SLC5A3: variants seen among roughly 807,000 people sequenced by gnomAD.
SLC5A3 encodes sodium/myo-inositol cotransporter.
A neutral mutation model predicts 43.2 loss-of-function variants in SLC5A3; 10 were observed. That is an observed-to-expected ratio of 0.23 (90% CI 0.14 to 0.39). SLC5A3 has a LOEUF of 0.39. Ranked by LOEUF, SLC5A3 falls within the 10% of genes least tolerant of loss-of-function variation. The probability of loss-of-function intolerance (pLI) is 1.00; values close to 1 mark genes in which losing one functional copy is unlikely to be tolerated. For synonymous variants in SLC5A3, 349 were observed against 322.0 expected (o/e 1.08, Z -0.90); for missense variants, 608 against 893.4 (o/e 0.68, Z 4.07).
chr21:34,101,744 T>C lies in SLC5A3; in HGVS notation c.*4389T>C. 2.0e-6 allele frequency: 2 copies of C among 992,330 alleles called. No individual in the cohort carries two copies. Among genetic ancestry groups the C allele is most frequent in the Non-Finnish European group, 2.4e-6 (2 of 822,948 alleles). 61.5% of individuals were successfully genotyped at this position (992,330 alleles called of 1,614,324 possible). On this transcript the variant is annotated 3_prime_UTR_variant, in exon 2 of 2. Transcript: ENST00000381151. ...GATCCAAATAATGACTCATTAAATA[T>C]AATTATGTTTTAAGTATACTGAATT... is the stretch of plus-strand genomic sequence containing the variant.
rs566738766 is a variant in SLC5A3, at chr21:34,083,118, C to T, written c.-337+9373C>T. On this transcript the variant is annotated intron_variant, in intron 1 of 1. Coordinates refer to ENST00000381151, the MANE Select transcript of SLC5A3 (RefSeq NM_006933.7). ...TAAAAGTTTCTCTGTAACACCTACC[C>T]TGGAGTGGTTAAGTGCTTTAATTTT... is the stretch of plus-strand genomic sequence containing the variant. Among the ~76,000 whole-genome samples, 8 of 152,288 alleles carry T rather than the reference C, an allele frequency of 5.3e-5. No individual in the cohort carries two copies. The South Asian group carries it at 1.7e-3, about 32-fold the overall frequency.
chr21:34,097,799 C>T lies in SLC5A3; in HGVS notation c.*444C>T. ...CATTAAGAAAAACTTATTTCTTAGA[C>T]ATTGTACAATCAGTTATGTACTGAA... On this transcript the variant is annotated 3_prime_UTR_variant, in exon 2 of 2. Transcript: ENST00000381151. 2 of 1,000,088 alleles carry T rather than the reference C, an allele frequency of 2.0e-6. No individual in the cohort carries two copies. Among genetic ancestry groups the T allele is most frequent in the Non-Finnish European group, 2.4e-6 (2 of 829,632 alleles). 62.0% of individuals were successfully genotyped at this position (1,000,088 alleles called of 1,614,324 possible). A position where few individuals can be genotyped will look rare whatever the true frequency, so the allele number is the denominator to read the frequency against.
At chr21:34,080,147 T>C (rs1224303338) in intron 1 of SLC5A3, among the ~76,000 whole-genome samples, 2 of 152,210 alleles carry the variant, frequency 1.3e-5, no homozygotes, top group Non-Finnish European at 2.9e-5. Flanking sequence ...AGTGCAAATA[T>C]ATGTCCTTGA....
Position 34,102,802 on chromosome 21 carries a change from C to G in SLC5A3, c.*5447C>G. ...AAAAGCACTATAACATAATTGTTGT[C>G]CATGATACTGAAGCTTTTCCCCTCA... is the stretch of plus-strand genomic sequence containing the variant. On this transcript the variant is annotated 3_prime_UTR_variant, in exon 2 of 2. Coordinates refer to ENST00000381151, the MANE Select transcript of SLC5A3 (RefSeq NM_006933.7). The G allele has an allele frequency of 1.0e-6, 1 of 1,000,010 alleles. No individual in the cohort carries two copies. Among genetic ancestry groups the G allele is most frequent in the Non-Finnish European group, 1.2e-6 (1 of 829,826 alleles). The allele number at this position is 1,000,010 out of a possible 1,614,324, so 61.9% of individuals were successfully genotyped here.
Position 34,098,604 on chromosome 21 carries a change from G to C in SLC5A3, c.*1249G>C. 1.0e-6 allele frequency: 1 copy of C among 1,000,300 alleles called. No homozygotes were observed. Among genetic ancestry groups the C allele is most frequent in the Non-Finnish European group, 1.2e-6 (1 of 830,008 alleles). 62.0% of individuals were successfully genotyped at this position (1,000,300 alleles called of 1,614,324 possible). A position where few individuals can be genotyped will look rare whatever the true frequency, so the allele number is the denominator to read the frequency against. ...GTGCATACTTTGCTGTTGTTAGGTT[G>C]TCAATATAGTCTTTCTGTAGGATGG... On this transcript the variant is annotated 3_prime_UTR_variant, in exon 2 of 2. Coordinates refer to ENST00000381151, the MANE Select transcript of SLC5A3 (RefSeq NM_006933.7).
Position 34,100,361 on chromosome 21 carries a change from C to G in SLC5A3, c.*3006C>G. On this transcript the variant is annotated 3_prime_UTR_variant, in exon 2 of 2. Coordinates refer to ENST00000381151, the MANE Select transcript of SLC5A3 (RefSeq NM_006933.7). ...TGGTCATCTTTCAGAATATTCTGTT[C>G]TGCCACCCCCAGAGAGTAAACACTT... 2.0e-6 allele frequency: 2 copies of G among 1,000,224 alleles called. No homozygotes were observed. Among genetic ancestry groups the G allele is most frequent in the South Asian group, 9.4e-5 (2 of 21,290 alleles). The allele number at this position is 1,000,224 out of a possible 1,614,324, so 62.0% of individuals were successfully genotyped here.
rs1317925465 is a variant in SLC5A3 at position 34,098,691 on chromosome 21, G to A, written c.*1336G>A. ...GGGTTAGTAGTGTGTCTTGTGGAGGGTATTACAGGACTGTGTAATTATAGG... is the reference window on the plus strand; with the variant it reads ...GGGTTAGTAGTGTGTCTTGTGGAGGATATTACAGGACTGTGTAATTATAGG... On this transcript the variant is annotated 3_prime_UTR_variant, in exon 2 of 2. Transcript: ENST00000381151. The A allele has an allele frequency of 2.0e-6, 2 of 999,702 alleles. No homozygotes were observed. Among genetic ancestry groups the A allele is most frequent in the Non-Finnish European group, 2.4e-6 (2 of 829,624 alleles). 61.9% of individuals were successfully genotyped at this position (999,702 alleles called of 1,614,324 possible).
At chr21:34,087,143 A>G (rs1186568522) in intron 1 of SLC5A3, among the ~76,000 whole-genome samples, 1 of 152,210 alleles carries the variant, frequency 6.6e-6, no homozygotes, top group Non-Finnish European at 1.5e-5. Context: ...GTCATGGGCC[A>G]CTGAGATTTT....
rs1979063468 is a variant in SLC5A3 at position 34,098,242 on chromosome 21, A to G, written c.*887A>G. On this transcript the variant is annotated 3_prime_UTR_variant, in exon 2 of 2. Coordinates refer to ENST00000381151, the MANE Select transcript of SLC5A3 (RefSeq NM_006933.7). ...CAGATGATTACTCATATATTCTGCT[A>G]ATTTTCTAGCTTTATTCTTGTTATT... is the stretch of plus-strand genomic sequence containing the variant. 1 of 999,556 alleles carries G rather than the reference A, an allele frequency of 1.0e-6. No homozygotes were observed. The highest frequency in any genetic ancestry group is 1.7e-5 in the African/African-American group (1 of 57,238). The allele number at this position is 999,556 out of a possible 1,614,324, so 61.9% of individuals were successfully genotyped here. A position where few individuals can be genotyped will look rare whatever the true frequency, so the allele number is the denominator to read the frequency against.
chr21:34,088,080 C>T (rs1281917510), intron 1 of SLC5A3, among the ~76,000 whole-genome samples: 1 of 152,162 alleles, frequency 6.6e-6, no homozygotes, highest in African/African-American at 2.4e-5. Context: ...ACACTTCATC[C>T]ATTAAGAGCA....
At position 34,100,675 on chromosome 21, in the gene SLC5A3, G is replaced by A; in HGVS notation, c.*3320G>A. On this transcript the variant is annotated 3_prime_UTR_variant, in exon 2 of 2. Coordinates refer to ENST00000381151, the MANE Select transcript of SLC5A3 (RefSeq NM_006933.7). ...ACATTTTAAGAACTGAGTTGAGGGGGTTGTTATGCACTTCTGTAACTTGAG... is the reference window on the plus strand; with the variant it reads ...ACATTTTAAGAACTGAGTTGAGGGGATTGTTATGCACTTCTGTAACTTGAG... 2 of 1,000,206 alleles carry A rather than the reference G, an allele frequency of 2.0e-6. No homozygotes were observed. Among genetic ancestry groups the A allele is most frequent in the Non-Finnish European group, 1.2e-6 (1 of 829,970 alleles). The allele number at this position is 1,000,206 out of a possible 1,614,324, so 62.0% of individuals were successfully genotyped here. A position where few individuals can be genotyped will look rare whatever the true frequency, so the allele number is the denominator to read the frequency against.
At position 34,101,893 on chromosome 21, in the gene SLC5A3, TC is replaced by T; in HGVS notation, c.*4539del. 2 of 1,000,224 alleles carry T rather than the reference TC, an allele frequency of 2.0e-6. No individual in the cohort carries two copies. Among genetic ancestry groups the T allele is most frequent in the Non-Finnish European group, 2.4e-6 (2 of 829,972 alleles). The allele number at this position is 1,000,224 out of a possible 1,614,324, so 62.0% of individuals were successfully genotyped here. A position where few individuals can be genotyped will look rare whatever the true frequency, so the allele number is the denominator to read the frequency against. ...AAAATTAGGGAGAGAGCAGTAGTGA[TC>T]ATTTATGTGAGCCCCTTTGAAATGA... On this transcript the variant is annotated 3_prime_UTR_variant, in exon 2 of 2. Transcript: ENST00000381151.
At position 34,100,073 on chromosome 21, in the gene SLC5A3, A is replaced by G. The variant is rs1002121833; in HGVS notation, c.*2718A>G. ...ATGACATTGGTCTTTAGACATTAAC[A>G]TGTGTATATTTTTATATTAGCTCAA... is the stretch of plus-strand genomic sequence containing the variant. On this transcript the variant is annotated 3_prime_UTR_variant, in exon 2 of 2. Transcript: ENST00000381151. 4.0e-6 allele frequency: 4 copies of G among 997,020 alleles called. No homozygotes were observed. Among genetic ancestry groups the G allele is most frequent in the South Asian group, 4.7e-5 (1 of 21,230 alleles). The allele number at this position is 997,020 out of a possible 1,614,324, so 61.8% of individuals were successfully genotyped here.
At chr21:34,075,578 A>G (rs146540513) in intron 1 of SLC5A3, among the ~76,000 whole-genome samples, 1,777 of 152,360 alleles carry the variant, frequency 0.012, 21 homozygotes, top group Non-Finnish European at 0.017. Flanking sequence ...AAAGTAGATA[A>G]TAAAGGTGAA....
intron 1 of SLC5A3, among the ~76,000 whole-genome samples, chr21:34,074,057 C>G (rs1478349452): frequency 2.7e-5 from 4 of 145,550 alleles, no homozygotes; most frequent in African/African-American, 1.0e-4. Flanking sequence ...ATCCCGGCGC[C>G]GGCCCGCGGG....
Position 34,102,581 on chromosome 21 carries a change from C to T in SLC5A3, c.*5226C>T. On this transcript the variant is annotated 3_prime_UTR_variant, in exon 2 of 2. Coordinates refer to ENST00000381151, the MANE Select transcript of SLC5A3 (RefSeq NM_006933.7). ...CTTTTTGGGCAGTACCATACATAGT[C>T]TGAGGCTATTGACTTAAACCAATAA... The T allele has an allele frequency of 2.0e-6, 2 of 1,000,044 alleles. No homozygotes were observed. Among genetic ancestry groups the T allele is most frequent in the Non-Finnish European group, 2.4e-6 (2 of 829,812 alleles). 61.9% of individuals were successfully genotyped at this position (1,000,044 alleles called of 1,614,324 possible).
At position 34,099,587 on chromosome 21, in the gene SLC5A3, A is replaced by G. The variant is rs1602934521; in HGVS notation, c.*2232A>G. 1.0e-6 allele frequency: 1 copy of G among 999,802 alleles called. No homozygotes were observed. Among genetic ancestry groups the G allele is most frequent in the Non-Finnish European group, 1.2e-6 (1 of 829,864 alleles). The allele number at this position is 999,802 out of a possible 1,614,324, so 61.9% of individuals were successfully genotyped here. On this transcript the variant is annotated 3_prime_UTR_variant, in exon 2 of 2. Transcript: ENST00000381151. ...TCTCTTCCATATCCAGCGTAAATGA[A>G]TAGGAGGTGTTTGTGATTTTTTTTT...
intron 1 of SLC5A3, among the ~76,000 whole-genome samples, chr21:34,091,732 T>C (rs920575000): frequency 1.3e-5 from 2 of 152,212 alleles, no homozygotes; most frequent in African/African-American, 4.8e-5. Context: ...CCTTCTCTTT[T>C]GGGAAGAAGG....
At chr21:34,074,861 C>T (rs958179322) in intron 1 of SLC5A3, among the ~76,000 whole-genome samples, 2 of 152,164 alleles carry the variant, frequency 1.3e-5, no homozygotes, top group African/African-American at 4.8e-5. Context: ...CTAACAATCA[C>T]GGAGCGTCGG....
Sources: gnomAD v4.1 joint callset for allele counts (sites outside exome capture counted in the v4.1 genomes callset) on GRCh38, gnomAD v4.1.1 for gene constraint, MANE v1.5 for transcripts, NCBI Gene and HGNC (gene_info 2026-07-23, HGNC 2026-07-21) for gene names.